The following TAF3 variants were observed in gnomAD, a reference collection of about 807,000 sequenced individuals.
TAF3 encodes the protein TATA-box binding protein associated factor 3.
Under a neutral mutation model 80.6 loss-of-function variants are expected in TAF3, and 7 were observed. That is an observed-to-expected ratio of 0.09 (90% CI 0.05 to 0.16). The LOEUF (loss-of-function observed/expected upper bound fraction) is 0.16. Among genes scored for constraint, TAF3 ranks in the 10% least tolerant of loss-of-function variants. The pLI is 1.00. For synonymous variants in TAF3, 444 were observed against 446.1 expected, an observed-to-expected ratio of 1.00 and a Z score of 0.06; for missense variants, 921 against 1,140.2, an observed-to-expected ratio of 0.81 and a Z score of 2.77.
intron 4 of TAF3, among the ~76,000 whole-genome samples, chr10:7,987,954 G>T (rs1281621901): frequency 6.6e-6 from 1 of 152,234 alleles, no homozygotes; most frequent in Non-Finnish European, 1.5e-5. Context: ...CTACTCATGT[G>T]AACATAATAC....
At chr10:7,854,558 T>A (rs181274763) in intron 2 of TAF3, among the ~76,000 whole-genome samples, 42 of 149,440 alleles carry the variant, frequency 2.8e-4, no homozygotes, top group African/African-American at 8.6e-4. Context: ...GTAAAGCAAC[T>A]GGAAGAAGCC....
At chr10:7,982,707 A>AT (rs749588517) in intron 4 of TAF3, among the ~76,000 whole-genome samples, 59 of 151,730 alleles carry the variant, frequency 3.9e-4, no homozygotes, top group African/African-American at 1.1e-3. Context: ...ACTGAAATAC[A>AT]TTTTTTTTTA....
chr10:8,012,305 C>G (rs2131443387), intron 5 of TAF3, among the ~76,000 whole-genome samples: 1 of 152,338 alleles, frequency 6.6e-6, no homozygotes, highest in Middle Eastern at 3.4e-3. Context: ...AATTTTGTCA[C>G]TGCCTAATGG....
At chr10:7,939,503 A>G (rs1001931512) in intron 2 of TAF3, among the ~76,000 whole-genome samples, 2 of 152,040 alleles carry the variant, frequency 1.3e-5, no homozygotes, top group African/African-American at 4.8e-5. Context: ...ACTACCAGAA[A>G]TGAAAGGTAT....
chr10:7,836,489 G>A (rs1424737167), intron 2 of TAF3, among the ~76,000 whole-genome samples: 2 of 152,066 alleles, frequency 1.3e-5, no homozygotes, highest in African/African-American at 4.8e-5. Context: ...GGTCAAACTG[G>A]TCTTGAACTC....
At chr10:7,910,461 A>G (rs946604173) in intron 2 of TAF3, among the ~76,000 whole-genome samples, 2 of 152,068 alleles carry the variant, frequency 1.3e-5, no homozygotes, top group Admixed American at 1.3e-4. Context: ...GCTCACTGCA[A>G]CCTCCACCTC....
intron 3 of TAF3, among the ~76,000 whole-genome samples, chr10:7,974,651 G>T (rs953255561): frequency 5.3e-5 from 8 of 152,144 alleles, no homozygotes; most frequent in Non-Finnish European, 1.2e-4. Flanking sequence ...GAGGACATTG[G>T]CAAGGGTTGA....
chr10:7,977,792 A>G (rs991226439), intron 4 of TAF3, among the ~76,000 whole-genome samples: 5 of 152,248 alleles, frequency 3.3e-5, no homozygotes, highest in African/African-American at 1.2e-4. Context: ...AAAGGCTTGG[A>G]GAGACAGTAT....
rs1032206574 is a variant in TAF3 at position 8,015,420 on chromosome 10, T to C, written c.*669T>C. ...TGTATTTTATATCTTCGTTGCATTCTAATTTTGCCCTTCTTTAAACTGCTG... is the reference window on the plus strand; with the variant it reads ...TGTATTTTATATCTTCGTTGCATTCCAATTTTGCCCTTCTTTAAACTGCTG... On this transcript the variant is annotated 3_prime_UTR_variant, in exon 7 of 7. Transcript: ENST00000344293. The C allele has an allele frequency of 3.3e-5, 5 of 152,278 alleles. No homozygotes were observed. The highest frequency in any genetic ancestry group is 1.2e-4 in the African/African-American group (5 of 41,480). The allele number at this position is 152,278 out of a possible 1,614,324, so 9.4% of individuals were successfully genotyped here. A position where few individuals can be genotyped will look rare whatever the true frequency, so the allele number is the denominator to read the frequency against.
intron 2 of TAF3, among the ~76,000 whole-genome samples, chr10:7,890,406 C>T (rs118050580): frequency 0.022 from 3,385 of 152,316 alleles, 57 homozygotes; most frequent in Non-Finnish European, 0.033. Context: ...GTCTACGTTC[C>T]ATCATAGTAG....
Position 7,845,317 on chromosome 10 carries a change from C to T in TAF3, c.409+20757C>T, listed in dbSNP as rs181893484. Among the ~76,000 whole-genome samples, 13 of 151,582 alleles carry T rather than the reference C, an allele frequency of 8.6e-5. No individual in the cohort carries two copies. The East Asian group carries it at 1.5e-3, about 18-fold the overall frequency. Reference sequence around the variant, plus strand: ...CGCCCTCCAGGTCTTTGTGTGTGTGCGTGTGTGTGTGCACACGGTTCCTGC... The same window carrying T: ...CGCCCTCCAGGTCTTTGTGTGTGTGTGTGTGTGTGTGCACACGGTTCCTGC... On this transcript the variant is annotated intron_variant, in intron 2 of 6. Coordinates refer to ENST00000344293, the MANE Select transcript of TAF3 (RefSeq NM_031923.4).
intron 2 of TAF3, among the ~76,000 whole-genome samples, chr10:7,942,517 A>G (rs929563239): frequency 1.3e-5 from 2 of 152,244 alleles, no homozygotes; most frequent in Non-Finnish European, 2.9e-5. Flanking sequence ...ATTTACCCAT[A>G]AAATTATAAG....
chr10:7,894,820 A>G (rs1837490850), intron 2 of TAF3, among the ~76,000 whole-genome samples: 1 of 152,096 alleles, frequency 6.6e-6, no homozygotes, highest in African/African-American at 2.4e-5. Context: ...GATGCCTCCA[A>G]CTTTTGCTCT....
intron 2 of TAF3, among the ~76,000 whole-genome samples, chr10:7,866,425 G>A (rs572660071): frequency 1.3e-5 from 2 of 152,366 alleles, no homozygotes; most frequent in Admixed American, 6.5e-5. Context: ...TGAGAAGGGA[G>A]CACTTAAGCT....
At chr10:7,947,362 C>T (rs967691722) in intron 2 of TAF3, among the ~76,000 whole-genome samples, 2 of 152,210 alleles carry the variant, frequency 1.3e-5, no homozygotes, top group African/African-American at 4.8e-5. Context: ...TGTTTAGACT[C>T]TGGGAATAGT....
intron 2 of TAF3, among the ~76,000 whole-genome samples, chr10:7,924,328 C>G (rs1277627191): frequency 2.6e-5 from 4 of 152,136 alleles, no homozygotes; most frequent in African/African-American, 9.7e-5. Flanking sequence ...TCTCTGCTAG[C>G]ATGTTTTGAT....
In TAF3 at chr10:7,835,181, A is replaced by G. The variant is rs146064916; in HGVS notation, c.409+10621A>G. Reference sequence around the variant, plus strand: ...GAAGAAGGATTGTCTTTGGCCACACATAAAATACACTAACACCATCGATAG... The same window carrying G: ...GAAGAAGGATTGTCTTTGGCCACACGTAAAATACACTAACACCATCGATAG... On this transcript the variant is annotated intron_variant, in intron 2 of 6. Transcript: ENST00000344293. 5.8e-3 allele frequency among the ~76,000 whole-genome samples: 886 copies of G among 152,326 alleles called. 15 individuals carry two copies. The highest frequency in any genetic ancestry group is 0.021 in the African/African-American group (855 of 41,560).
intron 2 of TAF3, among the ~76,000 whole-genome samples, chr10:7,938,650 C>T (rs1370529006): frequency 6.6e-6 from 1 of 152,058 alleles, no homozygotes; most frequent in East Asian, 1.9e-4. Context: ...ATAGTCAAGC[C>T]AAGATGCCTA....
chr10:7,837,341 CA>C (rs79016748), intron 2 of TAF3, among the ~76,000 whole-genome samples: 132 of 90,068 alleles, frequency 1.5e-3, no homozygotes, highest in East Asian at 5.5e-3. Context: ...CCAGTCTGGG[CA>C]AAAAAAAAAA....
Sources: gnomAD v4.1 joint callset for allele counts (sites outside exome capture counted in the v4.1 genomes callset) on GRCh38, gnomAD v4.1.1 for gene constraint, MANE v1.5 for transcripts, NCBI Gene and HGNC (gene_info 2026-07-23, HGNC 2026-07-21) for gene names.